PSPC1: variants seen among roughly 807,000 people sequenced by gnomAD.
PSPC1 encodes the protein paraspeckle protein 1.
In PSPC1, 14 loss-of-function variants were observed where a neutral mutation model predicts 51.6. That is an observed-to-expected ratio of 0.27 (90% CI 0.18 to 0.42). The LOEUF (loss-of-function observed/expected upper bound fraction) is 0.42, where lower values mean the gene tolerates loss of function less well. Among genes scored for constraint, PSPC1 ranks in the 10% least tolerant of loss-of-function variants. PSPC1 has a pLI of 1.00. For synonymous variants in PSPC1, 193 were observed against 231.9 expected (o/e 0.83, Z 1.53); for missense variants, 406 against 701.1 (o/e 0.58, Z 4.75).
intron 6 of PSPC1, among the ~76,000 whole-genome samples, chr13:19,696,030 T>TCTGA (rs1879184917): frequency 6.6e-6 from 1 of 152,102 alleles, no homozygotes; most frequent in South Asian, 2.1e-4. Flanking sequence ...AAGCGAGGAA[T>TCTGA]CTGACTCTGA....
At position 19,782,596 on chromosome 13, in the gene PSPC1, C is replaced by T. The variant is rs757574309; in HGVS notation, c.162G>A (p.Glu54=). 30 of 1,589,284 alleles carry T rather than the reference C, an allele frequency of 1.9e-5. No homozygotes were observed. The highest frequency in any genetic ancestry group is 1.2e-4 in the Admixed American group (7 of 56,324). Residue 54 remains glutamate, a synonymous_variant, in exon 1 of 9, where the codon GAG becomes GAA. Coordinates refer to ENST00000338910, the MANE Select transcript of PSPC1 (RefSeq NM_001354909.2). This position sits in a 1 kb window ranked among gnomAD's most constrained non-coding sequence, Gnocchi z 4.5. The part of the protein sequence containing the change: ...EPAPPAPAPP[E]DHPDEEMGFT... ...ACCCCATCTCCTCGTCCGGGTGGTC[C>T]TCTGGAGGCGCGGGCGCGGGCGGTG...
At chr13:19,687,449 C>G (rs1016385249) in intron 6 of PSPC1, among the ~76,000 whole-genome samples, 2 of 152,102 alleles carry the variant, frequency 1.3e-5, no homozygotes, top group African/African-American at 4.8e-5. Context: ...ACTTTTGTGT[C>G]TCATATTTTC....
chr13:19,772,529 C>G lies in PSPC1; in HGVS notation c.387G>C (p.Leu129=), dbSNP rs559723605. The G allele has an allele frequency of 5.6e-6, 9 of 1,603,244 alleles. No individual in the cohort carries two copies. Among genetic ancestry groups the G allele is most frequent in the South Asian group, 2.2e-5 (2 of 89,894 alleles). ...CCAGCTCTGCTTTTGCAATTTCAGC[C>G]AGGGTTCTGGATTCCTTTTTAGGAA... ...FGFIRLESRT[L]AEIAKAELDG... is the part of the protein sequence containing the mutation. Residue 129 remains leucine, a synonymous_variant, in exon 2 of 9, where the codon CTG becomes CTC. Coordinates refer to ENST00000338910, the MANE Select transcript of PSPC1 (RefSeq NM_001354909.2).
intron 1 of PSPC1, among the ~76,000 whole-genome samples, chr13:19,778,639 C>A (rs1889491585): frequency 7.7e-6 from 1 of 129,504 alleles, no homozygotes; most frequent in South Asian, 3.1e-4. Flanking sequence ...TCCCGAGGTG[C>A]CGGGATTGCA....
intron 4 of PSPC1, among the ~76,000 whole-genome samples, chr13:19,745,317 AAATT>A (rs910191619): frequency 6.6e-6 from 1 of 152,152 alleles, no homozygotes; most frequent in East Asian, 1.9e-4. Context: ...AGACTGTCTC[AAATT>A]AATTAATTAA....
chr13:19,781,076 C>G (rs1008180997), intron 1 of PSPC1, among the ~76,000 whole-genome samples: 9 of 149,720 alleles, frequency 6.0e-5, no homozygotes, highest in African/African-American at 2.0e-4. Flanking sequence ...GGTGGGAGAA[C>G]TTCTTGAGCC....
exon 7 of PSPC1, chr13:19,677,774 C>T (rs944174276): frequency 4.1e-6 from 2 of 486,854 alleles, no homozygotes; most frequent in Non-Finnish European, 8.3e-6. Flanking sequence ...TTCTGAATTA[C>T]ACTGCAAGCT....
chr13:19,765,325 AAATAAT>A (rs1272556494), intron 2 of PSPC1, among the ~76,000 whole-genome samples: 20 of 145,448 alleles, frequency 1.4e-4, no homozygotes, highest in African/African-American at 4.1e-4. Context: ...CCCATCTCAA[AAATAAT>A]AATAATAATA....
Position 19,779,282 on chromosome 13 carries a change from G to A in PSPC1, c.372+3104C>T, listed in dbSNP as rs1217241387. On this transcript the variant is annotated intron_variant, in intron 1 of 8. Transcript: ENST00000338910. The stretch of plus-strand genomic sequence containing the variant: ...GCCACCCCGTCCGGGAGGGAGGTGG[G>A]GGGGGTCAGCCCCCCGCCCGGCCAG... 4.6e-5 allele frequency among the ~76,000 whole-genome samples: 4 copies of A among 86,870 alleles called. 1 individual carries two copies. The highest frequency in any genetic ancestry group is 1.5e-4 in the African/African-American group (4 of 26,534). The allele number at this position is 86,870 out of a possible 152,430, so 57.0% of individuals were successfully genotyped here. A position where few individuals can be genotyped will look rare whatever the true frequency, so the allele number is the denominator to read the frequency against.
chr13:19,675,846 C>T (rs572259274), intron 7 of PSPC1: 3 of 152,274 alleles, frequency 2.0e-5, no homozygotes, highest in African/African-American at 7.2e-5. Flanking sequence ...TTTCTTAACT[C>T]TTTATAATAA....
Position 19,782,775 on chromosome 13 carries a change from G to A in PSPC1, c.-18C>T, listed in dbSNP as rs1174010022. 6.6e-7 allele frequency: 1 copy of A among 1,525,220 alleles called. No homozygotes were observed. The highest frequency in any genetic ancestry group is 1.4e-5 in the African/African-American group (1 of 69,032). 94.5% of individuals were successfully genotyped at this position (1,525,220 alleles called of 1,614,324 possible). On this transcript the variant is annotated 5_prime_UTR_variant, in exon 1 of 9. Coordinates refer to ENST00000338910, the MANE Select transcript of PSPC1 (RefSeq NM_001354909.2). The surrounding 1 kb of genome is among the most constrained non-coding windows in gnomAD (Gnocchi z 4.5). ...AACATCATCTTACTGAGTTCGCCTC[G>A]GACACCGGATACAGGCCTAGATTTA... is the stretch of plus-strand genomic sequence containing the variant.
chr13:19,772,749 T>C (rs1888735676), intron 1 of PSPC1, among the ~76,000 whole-genome samples: 1 of 152,234 alleles, frequency 6.6e-6, no homozygotes, highest in Non-Finnish European at 1.5e-5. Flanking sequence ...CCAACTCCAT[T>C]GTTTTGTTAA....
At chr13:19,699,167 A>G (rs1565970228), downstream of PSPC1, among the ~76,000 whole-genome samples, 1 of 151,898 alleles carries the variant, frequency 6.6e-6, no homozygotes, top group Admixed American at 6.6e-5. Flanking sequence ...TATTCTCACA[A>G]CACATAGAAG....
intron 6 of PSPC1, among the ~76,000 whole-genome samples, chr13:19,684,225 G>GA (rs1303428763): frequency 3.3e-5 from 5 of 152,040 alleles, no homozygotes; most frequent in East Asian, 3.9e-4. Flanking sequence ...AAACATAATA[G>GA]AAAAAACAAA....
rs1555237785 is a variant in PSPC1 at position 19,733,786 on chromosome 13, A to AAAT, written c.1053-3443_1053-3442insATT. On this transcript the variant is annotated intron_variant, in intron 5 of 8. Coordinates refer to ENST00000338910, the MANE Select transcript of PSPC1 (RefSeq NM_001354909.2). Reference sequence around the variant, plus strand: ...TCAAAAACAAGAAAAAAGAAAAAAAAATATATATATATATATATTAGGCAG... The same window carrying AAAT: ...TCAAAAACAAGAAAAAAGAAAAAAAAAATATATATATATATATATATTAGGCAG... Among the ~76,000 whole-genome samples, 210 of 141,850 alleles carry AAAT rather than the reference A, an allele frequency of 1.5e-3. 1 individual carries two copies. In the South Asian group the frequency reaches 0.016, roughly 11 times the overall value. 93.1% of individuals were successfully genotyped at this position (141,850 alleles called of 152,430 possible).
downstream of PSPC1, chr13:19,671,903 T>C: frequency 6.2e-7 from 1 of 1,609,076 alleles, no homozygotes; most frequent in Non-Finnish European, 8.5e-7. Context: ...GGCGGAGTTC[T>C]CTTCAGACCG....
At chr13:19,709,363 CAG>C (rs1881118604) in intron 7 of PSPC1, among the ~76,000 whole-genome samples, 177 bp downstream of exon 7, 1 of 151,976 alleles carries the variant, frequency 6.6e-6, no homozygotes, top group Non-Finnish European at 1.5e-5. Context: ...ATTTTCTTCC[CAG>C]ACATATATTT....
intron 7 of PSPC1, chr13:19,675,231 C>T (rs1876511131): frequency 6.6e-6 from 1 of 152,250 alleles, no homozygotes. Context: ...TGAGAGTTGA[C>T]CCAAAATTGT....
intron 2 of PSPC1, among the ~76,000 whole-genome samples, chr13:19,763,727 G>A (rs773149633): frequency 2.0e-5 from 3 of 152,178 alleles, no homozygotes; most frequent in South Asian, 2.1e-4. Context: ...TCGGCCAGGC[G>A]TGGTGGCTCA....
Sources: allele counts gnomAD v4.1 joint callset (sites outside exome capture counted in the v4.1 genomes callset), GRCh38; gene constraint gnomAD v4.1.1; non-coding constraint Gnocchi (gnomAD v3.1); transcripts MANE v1.5; gene names NCBI Gene and HGNC (gene_info 2026-07-23, HGNC 2026-07-21).